Variants in TUSC3 observed in about 807,000 individuals in gnomAD.
TUSC3 encodes dolichyl-diphosphooligosaccharide--protein glycosyltransferase subunit TUSC3.
A neutral mutation model predicts 44.8 loss-of-function variants in TUSC3; 45 were observed. That is an observed-to-expected ratio of 1.00 (90% CI 0.79 to 1.29). The LOEUF (loss-of-function observed/expected upper bound fraction) is 1.29, where lower values mean the gene tolerates loss of function less well. Ranked by LOEUF, TUSC3 falls within the 50% of genes most tolerant of loss-of-function variation. TUSC3 has a pLI of 0.00. For missense variants in TUSC3, 519 were observed against 437.9 expected, an observed-to-expected ratio of 1.19 and a Z score of -1.65; for synonymous variants, 212 against 152.9, an observed-to-expected ratio of 1.39 and a Z score of -2.85.
intron 2 of TUSC3, among the ~76,000 whole-genome samples, chr8:15,494,826 T>C (rs1445110241): frequency 1.1e-4 from 16 of 152,228 alleles, no homozygotes; most frequent in Admixed American, 1.0e-3. Flanking sequence ...TCTTTTCTTG[T>C]GTAACTGCAA....
chr8:15,776,438 T>A, the TUSC3 span, among the ~76,000 whole-genome samples: 7 of 152,120 alleles, frequency 4.6e-5, no homozygotes, highest in African/African-American at 1.7e-4. Context: ...GAAGCACCTT[T>A]ACAGTACTTG....
intron 1 of TUSC3, among the ~76,000 whole-genome samples, chr8:15,546,862 TTGGTATCTGTTTGCCTGCCTGCC>T (rs1425524910): frequency 6.6e-6 from 1 of 151,546 alleles, no homozygotes; most frequent in Non-Finnish European, 1.5e-5. Flanking sequence ...TTCATGGTAG[TTGGTATCTGTTTGCCTGCCTGCC>T]TGCCTGCCTC....
the TUSC3 span, among the ~76,000 whole-genome samples, chr8:15,778,359 G>A: frequency 6.6e-6 from 1 of 152,086 alleles, no homozygotes; most frequent in African/African-American, 2.4e-5. Context: ...AAACAGACAA[G>A]GAGACAAAAC....
rs546251493 is a variant in TUSC3 at position 15,718,686 on chromosome 8, C to G, written c.799-11980C>G. ...ATACAATTTACCATTTTGGTGACCT[C>G]TTTAATTTTCATAAACTTAGATATA... On this transcript the variant is annotated intron_variant, in intron 6 of 10. Transcript: ENST00000503731. 9.2e-5 allele frequency among the ~76,000 whole-genome samples: 14 copies of G among 152,130 alleles called. No individual in the cohort carries two copies. The South Asian group carries it at 2.9e-3, about 32-fold the overall frequency.
At chr8:15,591,455 G>C (rs1803836449) in intron 1 of TUSC3, among the ~76,000 whole-genome samples, 1 of 152,156 alleles carries the variant, frequency 6.6e-6, no homozygotes, top group Non-Finnish European at 1.5e-5. Context: ...CTATGCAACA[G>C]GCAATGTACA....
rs574052640 is a variant in TUSC3, at chr8:15,529,952, A to G, written n.189+46469A>G. Among the ~76,000 whole-genome samples, 221 of 6,706 alleles carry G rather than the reference A, an allele frequency of 0.033. 71 individuals are homozygous for G. In the East Asian group the frequency reaches 0.41, roughly 13 times the overall value. The allele number at this position is 6,706 out of a possible 152,430, so 4.4% of individuals were successfully genotyped here. A position where few individuals can be genotyped will look rare whatever the true frequency, so the allele number is the denominator to read the frequency against. On this transcript the variant is annotated intron_variant and non_coding_transcript_variant, in intron 2 of 5. Transcript: ENST00000503191. ...AGCTGGGACTACAGGCGCCCGGCTA[A>G]TTTTTTGTATTTTTAGTAGAGACGG...
intron 1 of TUSC3, among the ~76,000 whole-genome samples, chr8:15,422,635 T>A (rs1292940848): frequency 6.6e-6 from 1 of 151,970 alleles, no homozygotes; most frequent in Non-Finnish European, 1.5e-5. Context: ...AGTTTTTGGT[T>A]GATTGGTTGA....
chr8:15,766,155 A>G lies in TUSC3; in HGVS notation c.*1999A>G, dbSNP rs533059188. On this transcript the variant is annotated 3_prime_UTR_variant, in exon 11 of 11. Coordinates refer to ENST00000503731, the MANE Select transcript of TUSC3 (RefSeq NM_006765.4). Reference sequence around the variant, plus strand: ...AAAATTACATCCAGTGATAAAAACAATATTTTTTTTTCAGAATTTCATGCT... The same window carrying G: ...AAAATTACATCCAGTGATAAAAACAGTATTTTTTTTTCAGAATTTCATGCT... The G allele has an allele frequency of 2.0e-5, 3 of 152,162 alleles. No individual in the cohort carries two copies. Among genetic ancestry groups the G allele is most frequent in the East Asian group, 1.9e-4 (1 of 5,176 alleles). 9.4% of individuals were successfully genotyped at this position (152,162 alleles called of 1,614,324 possible). A position where few individuals can be genotyped will look rare whatever the true frequency, so the allele number is the denominator to read the frequency against.
the TUSC3 span, among the ~76,000 whole-genome samples, chr8:15,805,143 G>A: frequency 1.3e-5 from 2 of 152,026 alleles, no homozygotes; most frequent in Non-Finnish European, 2.9e-5. Context: ...GAACGTTATT[G>A]GTGTATGGAA....
intron 8 of TUSC3, among the ~76,000 whole-genome samples, chr8:15,747,008 CTGAAA>C (rs1328138572): frequency 6.6e-6 from 1 of 151,898 alleles, no homozygotes; most frequent in East Asian, 1.9e-4. Context: ...TGAGTGTTGT[CTGAAA>C]TGAAATGTCA....
the TUSC3 span, among the ~76,000 whole-genome samples, chr8:15,843,621 T>TAC: frequency 6.8e-6 from 1 of 146,732 alleles, no homozygotes; most frequent in African/African-American, 2.6e-5. Context: ...TATATATATA[T>TAC]ACACGCACAT....
At chr8:15,433,598 C>G (rs1459866085) in intron 1 of TUSC3, among the ~76,000 whole-genome samples, 1 of 151,832 alleles carries the variant, frequency 6.6e-6, no homozygotes, top group Non-Finnish European at 1.5e-5. Flanking sequence ...ACCACCACCG[C>G]CACCACCACA....
chr8:15,462,579 A>G (rs1035433437), intron 1 of TUSC3, among the ~76,000 whole-genome samples: 3 of 152,106 alleles, frequency 2.0e-5, no homozygotes, highest in African/African-American at 7.2e-5. Flanking sequence ...TTCCTGCCTT[A>G]AAGTGCACTA....
At chr8:15,781,084 T>C in the TUSC3 span, among the ~76,000 whole-genome samples, 15 of 152,148 alleles carry the variant, frequency 9.9e-5, no homozygotes, top group Admixed American at 2.0e-4. Context: ...AGCAGGAGCT[T>C]AGCACTTCCT....
At chr8:15,663,287 G>C (rs1807508769) in intron 5 of TUSC3, among the ~76,000 whole-genome samples, 1 of 148,810 alleles carries the variant, frequency 6.7e-6, no homozygotes, top group Non-Finnish European at 1.5e-5. Flanking sequence ...TTATAGATAA[G>C]TATTGTCTGT....
intron 7 of TUSC3, among the ~76,000 whole-genome samples, chr8:15,738,827 C>CTTTTTTTTTTCTTTCTTTCTTT (rs1373248681): frequency 1.1e-5 from 1 of 87,172 alleles, no homozygotes; most frequent in Non-Finnish European, 2.1e-5. Context: ...ATATATCTTG[C>CTTTTTTTTTTCTTTCTTTCTTT]TTTTTTTTTT....
At chr8:15,491,200 CTT>C (rs145952388) in intron 2 of TUSC3, among the ~76,000 whole-genome samples, 7,333 of 152,220 alleles carry the variant, frequency 0.048, 231 homozygotes, top group South Asian at 0.1. Flanking sequence ...GAAGGGATGA[CTT>C]TGAGTTCTGT....
the TUSC3 span, among the ~76,000 whole-genome samples, chr8:15,784,283 G>C: frequency 6.6e-6 from 1 of 152,070 alleles, no homozygotes; most frequent in Non-Finnish European, 1.5e-5. Flanking sequence ...AGAAAACAAT[G>C]TGAAGGTTCC....
intron 1 of TUSC3, among the ~76,000 whole-genome samples, chr8:15,452,156 G>C (rs1268922667): frequency 6.6e-6 from 1 of 152,166 alleles, no homozygotes; most frequent in Non-Finnish European, 1.5e-5. Flanking sequence ...TGAGTGTTAT[G>C]TGTGAGAAAA....
Sources: gnomAD v4.1 joint callset for allele counts (sites outside exome capture counted in the v4.1 genomes callset) on GRCh38, gnomAD v4.1.1 for gene constraint, MANE v1.5 for transcripts, NCBI Gene and HGNC (gene_info 2026-07-23, HGNC 2026-07-21) for gene names.